The following ADAM22 variants were observed in gnomAD, a reference collection of about 807,000 sequenced individuals.
ADAM22 encodes the protein ADAM metallopeptidase domain 22, also known as disintegrin and metalloproteinase domain-containing protein 22.
ADAM22 carries 65 observed loss-of-function variants against 144.6 expected under a neutral mutation model. That is an observed-to-expected ratio of 0.45 (90% CI 0.37 to 0.55). The LOEUF (loss-of-function observed/expected upper bound fraction) is 0.55. ADAM22 is among the 20% of genes least tolerant of loss of function. The pLI is 0.00. For missense variants in ADAM22, 974 were observed against 1,184.9 expected (o/e 0.82, Z 2.61); for synonymous variants, 391 against 412.6 (o/e 0.95, Z 0.63).
chr7:88,077,520 G>A lies in ADAM22; in HGVS notation c.390+1828G>A, dbSNP rs184789185. On this transcript the variant is annotated intron_variant, in intron 4 of 31. Transcript: ENST00000413139. ...TGCAGGACAATGGGTGCAGTGTACC[G>A]TGCGTGAGCCAAAGCAGTGCGAGGC... is the stretch of plus-strand genomic sequence containing the variant. Among the ~76,000 whole-genome samples the A allele has an allele frequency of 3.6e-3, 547 of 152,304 alleles. 5 individuals carry two copies. The highest frequency in any genetic ancestry group is 0.013 in the African/African-American group (523 of 41,566).
chr7:88,051,247 C>A (rs557363917), intron 3 of ADAM22, among the ~76,000 whole-genome samples: 4,525 of 152,258 alleles, frequency 0.03, 218 homozygotes, highest in African/African-American at 0.1. Flanking sequence ...AAGACACATG[C>A]ACATGTATGT....
rs1234083776 is a variant in ADAM22, at chr7:88,202,580, A to G, written c.*6089A>G. The G allele has an allele frequency of 6.6e-6, 1 of 152,198 alleles. No homozygotes were observed. The highest frequency in any genetic ancestry group is 1.9e-4 in the East Asian group (1 of 5,196). 9.4% of individuals were successfully genotyped at this position (152,198 alleles called of 1,614,324 possible). On this transcript the variant is annotated 3_prime_UTR_variant, in exon 32 of 32. Transcript: ENST00000413139. Reference sequence around the variant, plus strand: ...TTTTAACATTTCTCTGCTACTCTGCACTTCAGGTTCGTTAAGCTATTTTAA... The same window carrying G: ...TTTTAACATTTCTCTGCTACTCTGCGCTTCAGGTTCGTTAAGCTATTTTAA...
chr7:88,009,469 A>G (rs1263285225), intron 3 of ADAM22, among the ~76,000 whole-genome samples: 1 of 152,194 alleles, frequency 6.6e-6, no homozygotes, highest in Non-Finnish European at 1.5e-5. Context: ...TTTTTCCAAA[A>G]TTACAAAAGA....
At chr7:88,013,777 T>A (rs961434607) in intron 3 of ADAM22, among the ~76,000 whole-genome samples, 3 of 152,214 alleles carry the variant, frequency 2.0e-5, no homozygotes, top group African/African-American at 7.2e-5. Context: ...TTCACTGATG[T>A]TAGTATGTTC....
chr7:88,089,345 G>C (rs544996267), intron 4 of ADAM22, among the ~76,000 whole-genome samples: 1 of 152,078 alleles, frequency 6.6e-6, no homozygotes, highest in African/African-American at 2.4e-5. Context: ...CCATACCCTT[G>C]CATCAATGAT....
chr7:88,059,515 A>G (rs1468030922), intron 3 of ADAM22, among the ~76,000 whole-genome samples: 1 of 152,206 alleles, frequency 6.6e-6, no homozygotes, highest in Non-Finnish European at 1.5e-5. Context: ...AGTCACGTAC[A>G]TTTTATGGTT....
intron 27 of ADAM22, among the ~76,000 whole-genome samples, chr7:88,180,761 G>T (rs1292206960): frequency 6.6e-6 from 1 of 152,098 alleles, no homozygotes; most frequent in Non-Finnish European, 1.5e-5. Context: ...TTTCTCTGAA[G>T]TATATGTAGC....
Position 88,060,318 on chromosome 7 carries a change from A to G in ADAM22, c.324-15308A>G, listed in dbSNP as rs564763141. Among the ~76,000 whole-genome samples the G allele has an allele frequency of 1.7e-4, 26 of 152,336 alleles. No homozygotes were observed. In the South Asian group the frequency reaches 4.8e-3, roughly 28 times the overall value. On this transcript the variant is annotated intron_variant, in intron 3 of 31. Transcript: ENST00000413139. The stretch of plus-strand genomic sequence containing the variant: ...TCTCCATAGCATGAGATGCTGTTTG[A>G]TAGCAATTTACGCATAGCAGAACTT...
chr7:88,097,802 C>T (rs796214579), intron 4 of ADAM22, among the ~76,000 whole-genome samples: 11 of 152,178 alleles, frequency 7.2e-5, no homozygotes, highest in African/African-American at 2.6e-4. Flanking sequence ...AGGTAATTCA[C>T]AGTCTTTATG....
At position 88,202,531 on chromosome 7, in the gene ADAM22, G is replaced by A. The variant is rs1263214092; in HGVS notation, c.*6040G>A. The A allele has an allele frequency of 6.6e-6, 1 of 152,198 alleles. No individual in the cohort carries two copies. Among genetic ancestry groups the A allele is most frequent in the Non-Finnish European group, 1.5e-5 (1 of 68,052 alleles). The allele number at this position is 152,198 out of a possible 1,614,324, so 9.4% of individuals were successfully genotyped here. On this transcript the variant is annotated 3_prime_UTR_variant, in exon 32 of 32. Transcript: ENST00000413139. ...TCACTTTTGGTAATCAGGTAATCAT[G>A]TGTATATACTTAGATTCGCATTATT...
chr7:88,064,267 G>T (rs1810624603), intron 3 of ADAM22, among the ~76,000 whole-genome samples: 1 of 152,174 alleles, frequency 6.6e-6, no homozygotes, highest in African/African-American at 2.4e-5. Context: ...GAAAATTATG[G>T]GAGGAGTAAA....
intron 4 of ADAM22, among the ~76,000 whole-genome samples, chr7:88,104,212 A>T (rs1411924370): frequency 6.6e-6 from 1 of 152,190 alleles, no homozygotes; most frequent in African/African-American, 2.4e-5. Flanking sequence ...ATGTAGAAGG[A>T]TGCCAAGCTT....
At chr7:88,065,299 G>C (rs984369253) in intron 3 of ADAM22, among the ~76,000 whole-genome samples, 2 of 151,954 alleles carry the variant, frequency 1.3e-5, no homozygotes, top group African/African-American at 4.8e-5. Context: ...TCTAATTGAA[G>C]AGTTTTTGTT....
chr7:88,144,260 C>A (rs570495455), intron 15 of ADAM22, among the ~76,000 whole-genome samples: 1 of 152,106 alleles, frequency 6.6e-6, no homozygotes, highest in African/African-American at 2.4e-5. Context: ...TTCTATAATA[C>A]GTAAACTTTG....
chr7:87,967,536 C>T (rs1464672941), intron 2 of ADAM22, among the ~76,000 whole-genome samples: 3 of 151,950 alleles, frequency 2.0e-5, no homozygotes, highest in African/African-American at 7.2e-5. Flanking sequence ...ATAGGCTGGG[C>T]ATGGTGGCTC....
chr7:87,954,717 G>A (rs1241411906), intron 2 of ADAM22, among the ~76,000 whole-genome samples: 1 of 152,066 alleles, frequency 6.6e-6, no homozygotes, highest in Non-Finnish European at 1.5e-5. Flanking sequence ...AAGTTCTCCT[G>A]GATAATATCC....
chr7:88,171,313 A>G (rs998286984), intron 25 of ADAM22, among the ~76,000 whole-genome samples: 3 of 151,910 alleles, frequency 2.0e-5, no homozygotes, highest in African/African-American at 4.8e-5. Flanking sequence ...TTATGTTTTT[A>G]AAAGTGGACA....
chr7:88,153,252 G>A lies in ADAM22; in HGVS notation c.1713G>A (p.Glu571=), dbSNP rs1236505531. The A allele has an allele frequency of 2.5e-6, 4 of 1,613,374 alleles. No individual in the cohort carries two copies. In the African/African-American group the frequency reaches 4.0e-5, roughly 16 times the overall value. Residue 571 remains glutamate (E), a synonymous_variant, in exon 21 of 32, where the codon GAG becomes GAA. Coordinates refer to ENST00000413139, the MANE Select transcript of ADAM22 (RefSeq NM_001324418.2). The part of the protein sequence containing the change: ...KVTASDKYCY[E]KLNIEGTEKG... ...CAGCATCAGACAAATATTGCTATGAGAAACTGAATATTGAAGGGACGGAGA... is the reference window on the plus strand; with the variant it reads ...CAGCATCAGACAAATATTGCTATGAAAAACTGAATATTGAAGGGACGGAGA...
chr7:88,172,039 G>A (rs1405303424), intron 26 of ADAM22, among the ~76,000 whole-genome samples: 1 of 151,742 alleles, frequency 6.6e-6, no homozygotes, highest in African/African-American at 2.4e-5. Flanking sequence ...TGTTGGGAAT[G>A]TTCTAGCATT....
Sources: allele counts gnomAD v4.1 joint callset (sites outside exome capture counted in the v4.1 genomes callset), GRCh38; gene constraint gnomAD v4.1.1; transcripts MANE v1.5; gene names NCBI Gene and HGNC (gene_info 2026-07-23, HGNC 2026-07-21).